The following IL1RAPL1 variants were observed in gnomAD, a reference collection of about 807,000 sequenced individuals.
IL1RAPL1 encodes interleukin 1 receptor accessory protein like 1.
In IL1RAPL1, 3 loss-of-function variants were observed where a neutral mutation model predicts 48.4. The ratio of observed to expected loss-of-function variants is 0.06; its 90% CI spans 0.03 to 0.16. IL1RAPL1 has a LOEUF of 0.16. Ranked by LOEUF, IL1RAPL1 falls within the 10% of genes least tolerant of loss-of-function variation. IL1RAPL1 has a pLI of 1.00. For synonymous variants in IL1RAPL1, 185 were observed against 187.7 expected, an observed-to-expected ratio of 0.99 and a Z score of 0.12; for missense variants, 349 against 530.6, an observed-to-expected ratio of 0.66 and a Z score of 3.36.
chrX:29,562,479 TAAG>T (rs1922269412), intron 5 of IL1RAPL1, among the ~76,000 whole-genome samples: 1 of 110,553 alleles, frequency 9.0e-6, no homozygotes, highest in Admixed American at 9.7e-5. Context: ...CTTGAAAAAA[TAAG>T]AAAAAAGTAT....
At chrX:29,021,298 A>G (rs1274838042) in intron 2 of IL1RAPL1, among the ~76,000 whole-genome samples, 1 of 108,855 alleles carries the variant, frequency 9.2e-6, no homozygotes, top group Non-Finnish European at 1.9e-5. Flanking sequence ...TCCACATTCC[A>G]TCTTACCCAT....
At chrX:29,231,578 C>T (rs1931203182) in intron 2 of IL1RAPL1, among the ~76,000 whole-genome samples, 1 of 111,704 alleles carries the variant, frequency 9.0e-6, no homozygotes, top group Non-Finnish European at 1.9e-5. Flanking sequence ...CAGGATAATA[C>T]TTCCCCTGGG....
Position 29,213,352 on chromosome X carries a change from T to C in IL1RAPL1, c.83-69586T>C, listed in dbSNP as rs7049630. ...CGATCTTCATCACTGTTATGATCTC[T>C]TGTCTCAATTACTGCTAGAGTTTCT... On this transcript the variant is annotated intron_variant, in intron 2 of 10. Transcript: ENST00000378993. 4.3e-3 allele frequency among the ~76,000 whole-genome samples: 484 copies of C among 112,619 alleles called. 3 individuals carry two copies. The highest frequency in any genetic ancestry group is 0.014 in the African/African-American group (439 of 31,057).
intron 6 of IL1RAPL1, among the ~76,000 whole-genome samples, chrX:29,917,224 A>C (rs988431548): frequency 2.7e-5 from 3 of 112,443 alleles, no homozygotes; most frequent in Non-Finnish European, 5.6e-5. Context: ...TGTTCTGTAC[A>C]ATAGCCGACC....
chrX:29,773,229 G>A (rs1400106877), intron 6 of IL1RAPL1, among the ~76,000 whole-genome samples: 2 of 112,010 alleles, frequency 1.8e-5, no homozygotes, highest in Non-Finnish European at 3.8e-5. Flanking sequence ...AGAAGTAGAG[G>A]TGGCACTAAA....
At chrX:28,950,994 T>A (rs1189371084) in intron 2 of IL1RAPL1, among the ~76,000 whole-genome samples, 1 of 98,920 alleles carries the variant, frequency 1.0e-5, no homozygotes, top group Non-Finnish European at 2.0e-5. Flanking sequence ...AAATTGGAAA[T>A]CATCATTCTC....
At chrX:29,690,814 A>G (rs777840280) in intron 6 of IL1RAPL1, among the ~76,000 whole-genome samples, 29 of 111,977 alleles carry the variant, frequency 2.6e-4, no homozygotes, top group Non-Finnish European at 4.5e-4. Context: ...TCACTCATTC[A>G]TAAGTATATA....
chrX:29,887,206 G>A lies in IL1RAPL1; in HGVS notation c.779-30258G>A, dbSNP rs191324090. Among the ~76,000 whole-genome samples, 6 of 112,229 alleles carry A rather than the reference G, an allele frequency of 5.3e-5. No individual in the cohort carries two copies. In the Admixed American group the frequency reaches 5.7e-4, roughly 11 times the overall value. Reference sequence around the variant, plus strand: ...TTGTAAAAGCAGAAAAAATATTAGAGTAAAATCGCCACAGATTGTCTCCTC... The same window carrying A: ...TTGTAAAAGCAGAAAAAATATTAGAATAAAATCGCCACAGATTGTCTCCTC... On this transcript the variant is annotated intron_variant, in intron 6 of 10. Coordinates refer to ENST00000378993, the MANE Select transcript of IL1RAPL1 (RefSeq NM_014271.4).
intron 5 of IL1RAPL1, among the ~76,000 whole-genome samples, chrX:29,422,746 A>G (rs1934305395): frequency 1.8e-5 from 2 of 111,891 alleles, no homozygotes; most frequent in African/African-American, 6.5e-5. Context: ...CTAGCCTGTA[A>G]TAAACTCTCT....
chrX:29,344,021 C>T (rs1933117599), intron 3 of IL1RAPL1, among the ~76,000 whole-genome samples: 1 of 112,340 alleles, frequency 8.9e-6, no homozygotes, highest in African/African-American at 3.2e-5. Context: ...TTTATCAGCA[C>T]ACTCTGTATG....
At chrX:29,396,720 G>A (rs752172940) in intron 4 of IL1RAPL1, among the ~76,000 whole-genome samples, 8 of 111,357 alleles carry the variant, frequency 7.2e-5, no homozygotes, top group Middle Eastern at 4.6e-3. Context: ...CTATGGTCTG[G>A]GTTGATAATT....
In IL1RAPL1 at chrX:28,881,422, G is replaced by A. The variant is rs746328052; in HGVS notation, c.82+91997G>A. On this transcript the variant is annotated intron_variant, in intron 2 of 10. Coordinates refer to ENST00000378993, the MANE Select transcript of IL1RAPL1 (RefSeq NM_014271.4). The stretch of plus-strand genomic sequence containing the variant: ...GTTTAAAGAGTTATTTTCTCTGTCG[G>A]GTGTAAGACGACAGAGAATCTTGTT... Among the ~76,000 whole-genome samples the A allele has an allele frequency of 3.6e-5, 4 of 111,238 alleles. No homozygotes were observed. In the East Asian group the frequency reaches 1.1e-3, roughly 31 times the overall value.
chrX:29,775,165 C>A (rs1003582559), intron 6 of IL1RAPL1, among the ~76,000 whole-genome samples: 2 of 111,402 alleles, frequency 1.8e-5, no homozygotes, highest in African/African-American at 6.5e-5. Context: ...GTCGTTATAT[C>A]CGATTTCACT....
intron 2 of IL1RAPL1, among the ~76,000 whole-genome samples, chrX:28,989,548 A>C (rs1451858226): frequency 8.9e-6 from 1 of 112,232 alleles, no homozygotes; most frequent in Non-Finnish European, 1.9e-5. Flanking sequence ...AAAGACGTAC[A>C]CCTCTATTGA....
At chrX:29,915,612 G>A (rs888650874) in intron 6 of IL1RAPL1, among the ~76,000 whole-genome samples, 19 of 108,890 alleles carry the variant, frequency 1.7e-4, no homozygotes, top group Admixed American at 6.9e-4. Context: ...CAAGAAATAC[G>A]TACTATCAAC....
intron 2 of IL1RAPL1, among the ~76,000 whole-genome samples, chrX:29,185,549 A>AAT (rs1930234322): frequency 1.8e-5 from 2 of 112,007 alleles, no homozygotes; most frequent in African/African-American, 6.5e-5. Flanking sequence ...ATTAGCTATA[A>AAT]ATATCATTAC....
intron 1 of IL1RAPL1, among the ~76,000 whole-genome samples, chrX:28,762,821 C>CAGAGAG (rs1364686190): frequency 5.4e-5 from 2 of 37,338 alleles, no homozygotes; most frequent in African/African-American, 1.6e-4. Flanking sequence ...CACACACACA[C>CAGAGAG]ACAGAGAGAG....
intron 2 of IL1RAPL1, among the ~76,000 whole-genome samples, chrX:29,161,977 A>G (rs1373906098): frequency 1.8e-5 from 2 of 112,287 alleles, no homozygotes; most frequent in Non-Finnish European, 3.8e-5. Flanking sequence ...TCAATGATAG[A>G]CTGGATAAAG....
At chrX:28,694,840 A>G (rs1278882845) in intron 1 of IL1RAPL1, among the ~76,000 whole-genome samples, 1 of 111,754 alleles carries the variant, frequency 8.9e-6, no homozygotes, top group African/African-American at 3.3e-5. Flanking sequence ...ATTTTCCTCA[A>G]GAGCAAGTTT....
Sources: allele counts gnomAD v4.1 joint callset (sites outside exome capture counted in the v4.1 genomes callset), GRCh38; gene constraint gnomAD v4.1.1; transcripts MANE v1.5; gene names NCBI Gene and HGNC (gene_info 2026-07-23, HGNC 2026-07-21).